The following CEP128 variants were observed in gnomAD, a reference collection of about 807,000 sequenced individuals.
The protein encoded by CEP128 is centrosomal protein 128kDa.
Under a neutral mutation model 156.7 loss-of-function variants are expected in CEP128, and 132 were observed. The ratio of observed to expected loss-of-function variants is 0.84; its 90% CI spans 0.73 to 0.97. The LOEUF is 0.97. Ranked by LOEUF, CEP128 falls within the 50% of genes least tolerant of loss-of-function variation. CEP128 has a pLI of 0.00. For synonymous variants in CEP128, 469 were observed against 448.9 expected (o/e 1.04, Z -0.57); for missense variants, 1,252 against 1,281.9 (o/e 0.98, Z 0.36).
At chr14:80,887,806 C>T (rs576230217) in intron 8 of CEP128, among the ~76,000 whole-genome samples, 1 of 151,726 alleles carries the variant, frequency 6.6e-6, no homozygotes, top group Non-Finnish European at 1.5e-5. Flanking sequence ...GATAGAGACA[C>T]AAAAAAACCT....
intron 19 of CEP128, among the ~76,000 whole-genome samples, chr14:80,597,950 C>CAAAAAAAAAAAAA (rs34001813): frequency 5.0e-5 from 4 of 80,138 alleles, no homozygotes; most frequent in Non-Finnish European, 7.2e-5. Flanking sequence ...TCCTCAGCTA[C>CAAAAAAAAAAAAA]AAAAAAAAAA....
At chr14:80,830,970 G>T (rs1885757353) in intron 13 of CEP128, 173 bp downstream of exon 13, 2 of 584,470 alleles carry the variant, frequency 3.4e-6, no homozygotes, top group East Asian at 3.0e-5. Flanking sequence ...AAAGAGAAAT[G>T]AACCCATAGG....
At chr14:80,615,714 T>C (rs1359369526) in intron 19 of CEP128, among the ~76,000 whole-genome samples, 4 of 152,112 alleles carry the variant, frequency 2.6e-5, no homozygotes, top group Non-Finnish European at 4.4e-5. Flanking sequence ...CCAGGCATGG[T>C]GGCATGCACC....
intron 17 of CEP128, among the ~76,000 whole-genome samples, chr14:80,761,209 T>C (rs1899948829): frequency 6.6e-6 from 1 of 151,814 alleles, no homozygotes; most frequent in Admixed American, 6.6e-5. Flanking sequence ...TTCTTTTTTT[T>C]TTTTTTTACA....
At chr14:80,831,003 A>C (rs987931426) in intron 13 of CEP128, 140 bp downstream of exon 13, 5 of 715,066 alleles carry the variant, frequency 7.0e-6, no homozygotes, top group Non-Finnish European at 1.2e-5. Flanking sequence ...TAAGTAAATC[A>C]GTCATTAATA....
At chr14:80,933,107 A>C (rs1345831785) in intron 2 of CEP128, among the ~76,000 whole-genome samples, 2 of 152,106 alleles carry the variant, frequency 1.3e-5, no homozygotes, top group African/African-American at 2.4e-5. Flanking sequence ...TTCTTACTGA[A>C]TCTGACAGAC....
chr14:80,617,210 G>A (rs1044599034), intron 19 of CEP128, among the ~76,000 whole-genome samples: 23 of 119,150 alleles, frequency 1.9e-4, no homozygotes, highest in African/African-American at 7.2e-4. Context: ...TAACCTATGT[G>A]AATATCATCT....
chr14:80,785,443 G>A lies in CEP128; in HGVS notation c.1663C>T (p.Leu555Phe). 2.5e-6 allele frequency: 4 copies of A among 1,613,946 alleles called. No homozygotes were observed. Among genetic ancestry groups the A allele is most frequent in the Non-Finnish European group, 3.4e-6 (4 of 1,179,936 alleles). The change falls in exon 15 of 25, where the codon CTT becomes TTT. Residue 555 changes from leucine (L) to phenylalanine (F), a missense_variant. Leu to Phe is a conservative substitution (Grantham distance 22). Coordinates refer to ENST00000555265, the MANE Select transcript of CEP128 (RefSeq NM_152446.5). ...TTGGAGTGAAGCTCCTCCTCCTGAA[G>A]GGCACGCTTTGTTAGGACATCATTC... ...ELNDVLTKRA[L>F]QEEELHSKEE...
intron 19 of CEP128, among the ~76,000 whole-genome samples, chr14:80,592,813 G>A (rs531036393): frequency 1.2e-3 from 180 of 152,148 alleles, no homozygotes; most frequent in African/African-American, 4.3e-3. Flanking sequence ...TCATCCAGTC[G>A]GCTTCAACCC....
intron 22 of CEP128, among the ~76,000 whole-genome samples, chr14:80,530,435 C>G (rs533257202): frequency 7.9e-4 from 121 of 152,270 alleles, no homozygotes; most frequent in Non-Finnish European, 1.2e-3. Flanking sequence ...TACCATATCT[C>G]TAAAACAAAC....
chr14:80,957,436 C>T (rs543203628), intron 2 of CEP128, among the ~76,000 whole-genome samples: 2 of 151,090 alleles, frequency 1.3e-5, no homozygotes, highest in Non-Finnish European at 2.9e-5. Context: ...ATTCCTGAAA[C>T]CCTGGAACTA....
intron 19 of CEP128, among the ~76,000 whole-genome samples, chr14:80,724,637 A>T (rs1051329233): frequency 2.0e-5 from 3 of 152,072 alleles, no homozygotes; most frequent in Non-Finnish European, 2.9e-5. Context: ...TACTAGAAAA[A>T]GATATCCAAT....
intron 19 of CEP128, among the ~76,000 whole-genome samples, chr14:80,740,547 C>CAGATAGAT (rs1327613456): frequency 1.0e-5 from 1 of 99,180 alleles, no homozygotes; most frequent in South Asian, 3.2e-4. Context: ...GATAGATAGA[C>CAGATAGAT]AGACAGATAG....
At chr14:80,869,993 A>C (rs1227810269) in intron 8 of CEP128, among the ~76,000 whole-genome samples, 1 of 152,072 alleles carries the variant, frequency 6.6e-6, no homozygotes, top group Non-Finnish European at 1.5e-5. Flanking sequence ...AAATTGGATA[A>C]CCTAGGAGAA....
At chr14:80,905,007 A>G in intron 5 of CEP128, 76 bp from the exon 6 acceptor site, 1 of 848,008 alleles carries the variant, frequency 1.2e-6, no homozygotes, top group African/African-American at 1.7e-5. Context: ...ACTCAGTACA[A>G]ACATGGCAGA....
intron 19 of CEP128, among the ~76,000 whole-genome samples, chr14:80,660,658 G>A (rs532262750): frequency 6.6e-6 from 1 of 152,242 alleles, no homozygotes; most frequent in East Asian, 1.9e-4. Flanking sequence ...ACTATGCTAA[G>A]CACAGCCAAT....
chr14:80,607,472 G>T (rs1892831736), intron 19 of CEP128, among the ~76,000 whole-genome samples: 1 of 152,156 alleles, frequency 6.6e-6, no homozygotes, highest in Non-Finnish European at 1.5e-5. Flanking sequence ...AGACTTTAAA[G>T]TGTTCACATG....
chr14:80,905,667 T>C (rs552072167), intron 5 of CEP128: 6 of 271,852 alleles, frequency 2.2e-5, no homozygotes, highest in South Asian at 1.9e-4. Flanking sequence ...ACATAGCGAA[T>C]TTATGTATTT....
chr14:80,641,256 T>C (rs1346344694), intron 19 of CEP128, among the ~76,000 whole-genome samples: 1 of 152,242 alleles, frequency 6.6e-6, no homozygotes, highest in Non-Finnish European at 1.5e-5. Flanking sequence ...CTCCTCATTC[T>C]CTAATGCAAC....
Sources: allele counts gnomAD v4.1 joint callset (sites outside exome capture counted in the v4.1 genomes callset), GRCh38; gene constraint gnomAD v4.1.1; transcripts MANE v1.5; gene names NCBI Gene and HGNC (gene_info 2026-07-23, HGNC 2026-07-21).